IL1RAPL2: variants seen among roughly 807,000 people sequenced by gnomAD.
IL1RAPL2 encodes the protein interleukin 1 receptor accessory protein like 2.
IL1RAPL2 carries 3 observed loss-of-function variants against 44.1 expected under a neutral mutation model. The observed-to-expected ratio is 0.07, with a 90% CI of 0.03 to 0.18. The LOEUF (loss-of-function observed/expected upper bound fraction) is 0.18. Ranked by LOEUF, IL1RAPL2 falls within the 10% of genes least tolerant of loss-of-function variation. The pLI, the probability that IL1RAPL2 is intolerant of heterozygous loss-of-function variation, is 1.00. For missense variants in IL1RAPL2, 391 were observed against 496.4 expected (o/e 0.79, Z 2.02); for synonymous variants, 181 against 178.8 (o/e 1.01, Z -0.10).
intron 6 of IL1RAPL2, among the ~76,000 whole-genome samples, chrX:105,570,305 T>C (rs890897235): frequency 8.9e-6 from 1 of 112,332 alleles, no homozygotes; most frequent in Admixed American, 9.4e-5. Context: ...TTTGTTCCAT[T>C]TTATGGCTAG....
intron 2 of IL1RAPL2, among the ~76,000 whole-genome samples, chrX:104,734,770 C>G (rs1005506036): frequency 2.7e-5 from 3 of 110,369 alleles, no homozygotes; most frequent in African/African-American, 9.8e-5. Flanking sequence ...AACAAAAAGT[C>G]AATTTTACTG....
intron 6 of IL1RAPL2, among the ~76,000 whole-genome samples, chrX:105,569,426 CT>C (rs2036998572): frequency 9.0e-6 from 1 of 111,653 alleles, no homozygotes; most frequent in Non-Finnish European, 1.9e-5. Flanking sequence ...TAGGATTATA[CT>C]TCCCTGCCCC....
intron 1 of IL1RAPL2, among the ~76,000 whole-genome samples, chrX:104,644,516 C>T (rs1156641976): frequency 9.0e-6 from 1 of 111,557 alleles, no homozygotes; most frequent in African/African-American, 3.3e-5. Context: ...CCGTGTATGT[C>T]AAATTCTTCC....
chrX:105,677,701 CACCACTGGCCTTT>C (rs2037884649), intron 6 of IL1RAPL2, among the ~76,000 whole-genome samples: 2 of 111,075 alleles, frequency 1.8e-5, no homozygotes, highest in Non-Finnish European at 3.8e-5. Flanking sequence ...TTTAGTAGTA[CACCACTGGCCTTT>C]ACCAGCTAAA....
chrX:104,888,070 A>C (rs912487439), intron 2 of IL1RAPL2, among the ~76,000 whole-genome samples: 18 of 111,705 alleles, frequency 1.6e-4, no homozygotes, highest in African/African-American at 4.9e-4. Context: ...AAATACCACA[A>C]GGAAATTATG....
At chrX:105,013,793 C>T (rs1178919437) in intron 2 of IL1RAPL2, among the ~76,000 whole-genome samples, 1 of 112,113 alleles carries the variant, frequency 8.9e-6, no homozygotes, top group Non-Finnish European at 1.9e-5. Context: ...TTCACGATGA[C>T]TCTTTTTCCA....
At chrX:105,563,886 T>C (rs1277373484) in intron 6 of IL1RAPL2, among the ~76,000 whole-genome samples, 2 of 112,224 alleles carry the variant, frequency 1.8e-5, no homozygotes, top group Non-Finnish European at 3.8e-5. Context: ...GAACTTTCAA[T>C]GGCACCTTCA....
chrX:104,730,574 A>G (rs1331317795), intron 2 of IL1RAPL2, among the ~76,000 whole-genome samples: 1 of 105,400 alleles, frequency 9.5e-6, no homozygotes, highest in Non-Finnish European at 2.0e-5. Context: ...ATGGCTGCAT[A>G]GTATTCCATG....
At chrX:105,224,193 C>G (rs1463156534) in intron 3 of IL1RAPL2, among the ~76,000 whole-genome samples, 2 of 110,206 alleles carry the variant, frequency 1.8e-5, no homozygotes, top group African/African-American at 6.6e-5. Flanking sequence ...GGAGAACAAG[C>G]AGTAGGAGTA....
intron 3 of IL1RAPL2, among the ~76,000 whole-genome samples, chrX:105,222,056 A>G (rs782089218): frequency 5.4e-5 from 6 of 111,428 alleles, no homozygotes; most frequent in Non-Finnish European, 9.4e-5. Flanking sequence ...GCTTAAAATC[A>G]TTTGATGGAT....
At chrX:104,627,860 T>C (rs899293631) in intron 1 of IL1RAPL2, among the ~76,000 whole-genome samples, 1 of 110,991 alleles carries the variant, frequency 9.0e-6, no homozygotes, top group African/African-American at 3.3e-5. Context: ...CTAAAAGGAA[T>C]AACACACTTG....
At chrX:105,543,044 C>T (rs375311453) in intron 6 of IL1RAPL2, among the ~76,000 whole-genome samples, 4 of 111,596 alleles carry the variant, frequency 3.6e-5, no homozygotes, top group East Asian at 5.6e-4. Flanking sequence ...TATTAGTTCA[C>T]TGGGGAGAGA....
intron 8 of IL1RAPL2, among the ~76,000 whole-genome samples, chrX:105,741,192 C>A (rs1420816918): frequency 9.0e-6 from 1 of 111,558 alleles, no homozygotes; most frequent in Non-Finnish European, 1.9e-5. Context: ...AGATCTTTAT[C>A]AGGTGCATAT....
chrX:105,130,960 G>C (rs763440098), intron 2 of IL1RAPL2, among the ~76,000 whole-genome samples: 66 of 111,124 alleles, frequency 5.9e-4, no homozygotes, highest in Non-Finnish European at 1.2e-3. Flanking sequence ...GCAAATGTTA[G>C]ATTTCTAGAT....
intron 2 of IL1RAPL2, among the ~76,000 whole-genome samples, chrX:104,928,991 C>T (rs1924836970): frequency 9.0e-6 from 1 of 111,518 alleles, no homozygotes; most frequent in African/African-American, 3.3e-5. Context: ...AATAGTAACC[C>T]TTCCTATTGG....
chrX:105,505,939 A>G (rs2036428162), intron 6 of IL1RAPL2, among the ~76,000 whole-genome samples: 1 of 111,635 alleles, frequency 9.0e-6, no homozygotes, highest in African/African-American at 3.3e-5. Flanking sequence ...GTGGAGATGG[A>G]AAGTGATTGT....
chrX:104,848,438 T>C (rs1314669233), intron 2 of IL1RAPL2, among the ~76,000 whole-genome samples: 2 of 75,157 alleles, frequency 2.7e-5, no homozygotes, highest in African/African-American at 4.1e-5. Context: ...TATATATATA[T>C]ATATATATAT....
At chrX:104,774,278 C>G (rs1932685275) in intron 2 of IL1RAPL2, among the ~76,000 whole-genome samples, 1 of 111,684 alleles carries the variant, frequency 9.0e-6, no homozygotes, top group Non-Finnish European at 1.9e-5. Flanking sequence ...GAACTCTGCT[C>G]TATTGTGTCA....
At chrX:105,025,836 G>C (rs1460221238) in intron 2 of IL1RAPL2, among the ~76,000 whole-genome samples, 2 of 111,315 alleles carry the variant, frequency 1.8e-5, no homozygotes, top group African/African-American at 6.5e-5. Context: ...AGTAACTGCA[G>C]CTGTTTCTGC....
Sources: allele counts gnomAD v4.1 joint callset (sites outside exome capture counted in the v4.1 genomes callset), GRCh38; gene constraint gnomAD v4.1.1; transcripts MANE v1.5; gene names NCBI Gene and HGNC (gene_info 2026-07-23, HGNC 2026-07-21).